The following MACROD2 variants were observed in gnomAD, a reference collection of about 807,000 sequenced individuals.
MACROD2 encodes mono-ADP ribosylhydrolase 2, also known as ADP-ribose glycohydrolase MACROD2.
Under a neutral mutation model 70.4 loss-of-function variants are expected in MACROD2, and 36 were observed. That is an observed-to-expected ratio of 0.51 (90% CI 0.39 to 0.68). MACROD2 has a LOEUF of 0.68. MACROD2 is among the 30% of genes least tolerant of loss of function. MACROD2 has a pLI of 0.00. For synonymous variants in MACROD2, 172 were observed against 178.8 expected (o/e 0.96, Z 0.30); for missense variants, 496 against 538.4 (o/e 0.92, Z 0.78).
intron 5 of MACROD2, among the ~76,000 whole-genome samples, chr20:15,187,241 T>G (rs1022663377): frequency 7.2e-5 from 11 of 152,220 alleles, no homozygotes; most frequent in African/African-American, 1.2e-4. Flanking sequence ...CCCTTTATGA[T>G]GACCCGAGGT....
intron 3 of MACROD2, among the ~76,000 whole-genome samples, chr20:14,119,161 T>TTA (rs2054550831): frequency 1.5e-5 from 1 of 64,840 alleles, no homozygotes; most frequent in Non-Finnish European, 2.9e-5. Context: ...TGACTGTGAT[T>TTA]TTTTTTTTTT....
chr20:15,508,049 T>C (rs1420787034), intron 8 of MACROD2, among the ~76,000 whole-genome samples: 2 of 152,130 alleles, frequency 1.3e-5, no homozygotes, highest in South Asian at 2.1e-4. Flanking sequence ...CAACAAATGT[T>C]TTGTTTTATT....
intron 5 of MACROD2, among the ~76,000 whole-genome samples, chr20:14,724,108 A>G (rs988521845): frequency 9.2e-5 from 14 of 152,126 alleles, no homozygotes; most frequent in Non-Finnish European, 1.8e-4. Flanking sequence ...CAATTTTGAG[A>G]CATTCAAATA....
At chr20:15,889,099 G>A (rs1438577544) in intron 10 of MACROD2, among the ~76,000 whole-genome samples, 2 of 152,188 alleles carry the variant, frequency 1.3e-5, no homozygotes, top group African/African-American at 4.8e-5. Flanking sequence ...ACCCACTGGG[G>A]TGCTTGTAAA....
intron 8 of MACROD2, among the ~76,000 whole-genome samples, chr20:15,783,919 T>C (rs989652976): frequency 6.6e-6 from 1 of 152,128 alleles, no homozygotes; most frequent in African/African-American, 2.4e-5. Flanking sequence ...TTCACACGGA[T>C]GCTGACCCAC....
At chr20:15,472,656 A>C (rs2046976559) in intron 7 of MACROD2, among the ~76,000 whole-genome samples, 1 of 152,104 alleles carries the variant, frequency 6.6e-6, no homozygotes, top group South Asian at 2.1e-4. Context: ...CATCTGTTGA[A>C]TATTTCCCAC....
chr20:15,161,163 A>G (rs1250642714), intron 5 of MACROD2, among the ~76,000 whole-genome samples: 2 of 152,034 alleles, frequency 1.3e-5, no homozygotes, highest in Admixed American at 6.6e-5. Flanking sequence ...AATGGGACTA[A>G]TCTTCAGCTG....
chr20:14,955,216 A>T lies in MACROD2; in HGVS notation c.418+270257A>T, dbSNP rs2074523462. Among the ~76,000 whole-genome samples, 3 of 134,012 alleles carry T rather than the reference A, an allele frequency of 2.2e-5. No individual in the cohort carries two copies. The Admixed American group carries it at 2.5e-4, about 11-fold the overall frequency. 87.9% of individuals were successfully genotyped at this position (134,012 alleles called of 152,430 possible). A position where few individuals can be genotyped will look rare whatever the true frequency, so the allele number is the denominator to read the frequency against. On this transcript the variant is annotated intron_variant, in intron 5 of 17. Coordinates refer to ENST00000684519, the MANE Select transcript of MACROD2 (RefSeq NM_001351661.2). Reference sequence around the variant, plus strand: ...TATAATATATCATTTACATAATATAATTTATATAATATATAATTTTTATTA... The same window carrying T: ...TATAATATATCATTTACATAATATATTTTATATAATATATAATTTTTATTA...
chr20:14,699,852 C>A, intron 5 of MACROD2, among the ~76,000 whole-genome samples: 2 of 116,490 alleles, frequency 1.7e-5, no homozygotes, highest in African/African-American at 3.0e-5. Flanking sequence ...CTTTTTAAAT[C>A]TAGAAGTTTA....
At chr20:14,295,611 C>G (rs2082420689) in intron 3 of MACROD2, among the ~76,000 whole-genome samples, 1 of 151,744 alleles carries the variant, frequency 6.6e-6, no homozygotes, top group African/African-American at 2.4e-5. Flanking sequence ...CCATTCTGTA[C>G]CTTGCTCTTT....
intron 3 of MACROD2, among the ~76,000 whole-genome samples, chr20:14,248,360 G>A (rs534532718): frequency 9.9e-5 from 15 of 152,138 alleles, no homozygotes; most frequent in Non-Finnish European, 1.9e-4. Flanking sequence ...GAGGCAGGTG[G>A]ATCACCTGAG....
intron 2 of MACROD2, among the ~76,000 whole-genome samples, chr20:14,042,268 G>A (rs2053401143): frequency 7.9e-5 from 12 of 152,116 alleles, no homozygotes; most frequent in Admixed American, 7.2e-4. Context: ...TGACCTAGAG[G>A]CTTGCAGTTA....
rs2046362105 is a variant in MACROD2 at position 15,431,427 on chromosome 20, G to C, written c.563G>C (p.Gly188Ala). Reference protein sequence around the residue: ...RSVAFPCISTGIYGFPNEPAA... With the variant: ...RSVAFPCISTAIYGFPNEPAA... ...CAGGCATTTCCCTGCATCTCAACAG[G>C]CATTTATGGTAAGTGATACAGCTTT... Residue 188 changes from glycine (G) to alanine (A), a missense_variant, in exon 7 of 18, where the codon GGC becomes GCC. Transcript: ENST00000684519. 1 of 1,610,738 alleles carries C rather than the reference G, an allele frequency of 6.2e-7. No homozygotes were observed. The highest frequency in any genetic ancestry group is 2.2e-5 in the East Asian group (1 of 44,782).
intron 5 of MACROD2, among the ~76,000 whole-genome samples, chr20:14,933,191 T>C (rs2074311272): frequency 6.6e-6 from 1 of 152,122 alleles, no homozygotes; most frequent in Non-Finnish European, 1.5e-5. Context: ...GAAATTATTG[T>C]GCTTTTTGGA....
intron 6 of MACROD2, among the ~76,000 whole-genome samples, chr20:15,278,458 T>A (rs2077412897): frequency 6.6e-6 from 1 of 152,194 alleles, no homozygotes; most frequent in Admixed American, 6.5e-5. Context: ...CCCCTGAGTC[T>A]AGATCCCTCC....
At chr20:14,825,264 C>T (rs935060855) in intron 5 of MACROD2, among the ~76,000 whole-genome samples, 2 of 151,940 alleles carry the variant, frequency 1.3e-5, no homozygotes, top group African/African-American at 2.4e-5. Context: ...CAGTGAGAGC[C>T]GTAAAAGGAA....
intron 8 of MACROD2, among the ~76,000 whole-genome samples, chr20:15,574,115 A>C (rs1049735421): frequency 6.6e-6 from 1 of 152,118 alleles, no homozygotes; most frequent in African/African-American, 2.4e-5. Flanking sequence ...TTGACTACAA[A>C]AAAAATCATG....
chr20:15,748,250 C>G (rs905975638), intron 8 of MACROD2, among the ~76,000 whole-genome samples: 3 of 152,160 alleles, frequency 2.0e-5, no homozygotes, highest in Non-Finnish European at 4.4e-5. Flanking sequence ...CTACTTCAGT[C>G]AAATTTGGTG....
At chr20:14,147,245 T>C (rs2054954346) in intron 3 of MACROD2, among the ~76,000 whole-genome samples, 1 of 152,176 alleles carries the variant, frequency 6.6e-6, no homozygotes, top group African/African-American at 2.4e-5. Context: ...CAAGGTGGCA[T>C]AGTGTGTAAT....
Sources: gnomAD v4.1 joint callset for allele counts (sites outside exome capture counted in the v4.1 genomes callset) on GRCh38, gnomAD v4.1.1 for gene constraint, MANE v1.5 for transcripts, NCBI Gene and HGNC (gene_info 2026-07-23, HGNC 2026-07-21) for gene names.